Variants in PCDHGA1 observed in about 807,000 individuals in gnomAD.
The protein encoded by PCDHGA1 is protocadherin gamma subfamily A, 1, also known as protocadherin gamma-A1.
PCDHGA1 carries 32 observed loss-of-function variants against 58.0 expected under a neutral mutation model. The observed-to-expected ratio is 0.55, with a 90% CI of 0.42 to 0.74. PCDHGA1 has a LOEUF of 0.74. Among genes scored for constraint, PCDHGA1 ranks in the 30% least tolerant of loss-of-function variants. The pLI is 0.00. For missense variants in PCDHGA1, 1,205 were observed against 1,182.3 expected, an observed-to-expected ratio of 1.02 and a Z score of -0.28; for synonymous variants, 498 against 501.1, an observed-to-expected ratio of 0.99 and a Z score of 0.08.
At chr5:141,333,355 C>T in intron 1 of PCDHGA1, 1 of 612,284 alleles carries the variant, frequency 1.6e-6, no homozygotes, top group Non-Finnish European at 2.7e-6. Flanking sequence ...TGTGAGATGC[C>T]ATCTCTGTTT....
Position 141,430,964 on chromosome 5 carries a change from A to G in PCDHGA1, c.2422-63843A>G, listed in dbSNP as rs547574367. The G allele has an allele frequency of 7.3e-5, 117 of 1,612,860 alleles. No homozygotes were observed. The South Asian group carries it at 1.2e-3, about 17-fold the overall frequency. On this transcript the variant is annotated intron_variant, in intron 1 of 3. Coordinates refer to ENST00000517417, the MANE Select transcript of PCDHGA1 (RefSeq NM_018912.3). The stretch of plus-strand genomic sequence containing the variant: ...GGAGCGCGGAGTCCGCATCATCCCC[A>G]GAGGTAGGACGCAGCTTTTCGCCCT...
Position 141,350,885 on chromosome 5 carries a change from C to T in PCDHGA1, c.2421+17780C>T, listed in dbSNP as rs758050449. 6 of 1,614,082 alleles carry T rather than the reference C, an allele frequency of 3.7e-6. No homozygotes were observed. In the Admixed American group the frequency reaches 6.7e-5, roughly 18 times the overall value. Reference sequence around the variant, plus strand: ...ACATCAGAGCTCTCATCGCTTAATCCTGACTGCCATGGATGGCGGGGACCC... The same window carrying T: ...ACATCAGAGCTCTCATCGCTTAATCTTGACTGCCATGGATGGCGGGGACCC... On this transcript the variant is annotated intron_variant, in intron 1 of 3. Coordinates refer to ENST00000517417, the MANE Select transcript of PCDHGA1 (RefSeq NM_018912.3).
rs757446808 is a variant in PCDHGA1 at position 141,351,031 on chromosome 5, C to T, written c.2421+17926C>T. The stretch of plus-strand genomic sequence containing the variant: ...AAGAAAACGTACCGTGGGGAACCTC[C>T]GTGCTGCGGGTGATGGCCACAGACC... On this transcript the variant is annotated intron_variant, in intron 1 of 3. Coordinates refer to ENST00000517417, the MANE Select transcript of PCDHGA1 (RefSeq NM_018912.3). 3 of 1,613,990 alleles carry T rather than the reference C, an allele frequency of 1.9e-6. No individual in the cohort carries two copies. In the Admixed American group the frequency reaches 5.0e-5, roughly 27 times the overall value.
intron 1 of PCDHGA1, chr5:141,392,138 G>C (rs1212519982): frequency 6.6e-6 from 1 of 152,142 alleles, no homozygotes; most frequent in Non-Finnish European, 1.5e-5. Context: ...TGATTAAGTA[G>C]TTTAAACCAA....
intron 1 of PCDHGA1, chr5:141,361,549 G>A (rs1366415460): frequency 1.9e-6 from 3 of 1,613,918 alleles, no homozygotes; most frequent in East Asian, 4.5e-5. Context: ...CGCCTCTATC[G>A]CTCAAATCAG....
At chr5:141,450,006 CTTTTTT>C (rs1554136305) in intron 1 of PCDHGA1, among the ~76,000 whole-genome samples, 7,115 of 132,964 alleles carry the variant, frequency 0.054, 434 homozygotes, top group African/African-American at 0.14. Flanking sequence ...TGCCATGTCT[CTTTTTT>C]TTTTTTTTTT....
In PCDHGA1 at chr5:141,461,484, T is replaced by C. The variant is rs1171584384; in HGVS notation, c.2422-33323T>C. On this transcript the variant is annotated intron_variant, in intron 1 of 3. Transcript: ENST00000517417. ...GTCCTTTGCCTACTTTTTAATGGGATTGTGTTTTATTTTTCTTGGTGATTT... is the reference window on the plus strand; with the variant it reads ...GTCCTTTGCCTACTTTTTAATGGGACTGTGTTTTATTTTTCTTGGTGATTT... 2.6e-5 allele frequency among the ~76,000 whole-genome samples: 4 copies of C among 152,152 alleles called. No homozygotes were observed. In the East Asian group the frequency reaches 7.7e-4, roughly 29 times the overall value.
chr5:141,409,881 C>T (rs2095330257), intron 1 of PCDHGA1: 1 of 1,612,978 alleles, frequency 6.2e-7, no homozygotes, highest in Non-Finnish European at 8.5e-7. Context: ...GACAACGCAC[C>T]GCGGGTGCTG....
chr5:141,364,947 C>T (rs761720184), intron 1 of PCDHGA1: 2 of 1,613,944 alleles, frequency 1.2e-6, no homozygotes, highest in African/African-American at 1.3e-5. Flanking sequence ...GAGAAAGAGA[C>T]TGTTCACGAC....
Position 141,432,082 on chromosome 5 carries a change from C to G in PCDHGA1, c.2422-62725C>G. The G allele has an allele frequency of 1.2e-6, 2 of 1,614,184 alleles. No individual in the cohort carries two copies. The highest frequency in any genetic ancestry group is 1.7e-6 in the Non-Finnish European group (2 of 1,180,028). On this transcript the variant is annotated intron_variant, in intron 1 of 3. Coordinates refer to ENST00000517417, the MANE Select transcript of PCDHGA1 (RefSeq NM_018912.3). This position sits in a 1 kb window ranked among gnomAD's most constrained non-coding sequence, Gnocchi z 6.0. Reference sequence around the variant, plus strand: ...CCACGGAAACTCATATCTCGCTGAACGTGGCAGACACCAACGACAACCCGC... The same window carrying G: ...CCACGGAAACTCATATCTCGCTGAAGGTGGCAGACACCAACGACAACCCGC...
intron 1 of PCDHGA1, among the ~76,000 whole-genome samples, chr5:141,466,725 G>A (rs1184472416): frequency 2.6e-5 from 4 of 152,024 alleles, no homozygotes; most frequent in Non-Finnish European, 5.9e-5. Context: ...TTCCATTTTA[G>A]CAGAATTCAT....
chr5:141,413,194 C>T lies in PCDHGA1; in HGVS notation c.2421+80089C>T, dbSNP rs749749411. ...GACTACAATGGCCGCTCAAAGGAAT[C>T]GCTCAAAGGAATCAAAGGATTGCAG... On this transcript the variant is annotated intron_variant, in intron 1 of 3. Coordinates refer to ENST00000517417, the MANE Select transcript of PCDHGA1 (RefSeq NM_018912.3). 5.3e-5 allele frequency: 85 copies of T among 1,607,784 alleles called. No individual in the cohort carries two copies. Among genetic ancestry groups the T allele is most frequent in the Non-Finnish European group, 7.0e-5 (82 of 1,176,492 alleles).
At chr5:141,394,455 C>T in intron 1 of PCDHGA1, 1 of 1,614,268 alleles carries the variant, frequency 6.2e-7, no homozygotes, top group Non-Finnish European at 8.5e-7. Flanking sequence ...CAACATGTCA[C>T]TGAGCCTGTT....
At chr5:141,365,637 G>A in intron 1 of PCDHGA1, 1 of 1,613,458 alleles carries the variant, frequency 6.2e-7, no homozygotes. Context: ...TCTACAGAAA[G>A]CCACATCCCC....
At chr5:141,377,761 T>C (rs917483532) in intron 1 of PCDHGA1, 27 of 152,190 alleles carry the variant, frequency 1.8e-4, no homozygotes, top group African/African-American at 5.8e-4. Context: ...GGACACCAGA[T>C]CTTTGGTGTT....
intron 1 of PCDHGA1, among the ~76,000 whole-genome samples, chr5:141,463,572 C>T (rs1462125489): frequency 6.6e-6 from 1 of 151,572 alleles, no homozygotes; most frequent in African/African-American, 2.4e-5. Context: ...CCTCAGCCTC[C>T]CGAGTAGCTG....
chr5:141,481,503 G>A (rs1006282101), intron 1 of PCDHGA1, among the ~76,000 whole-genome samples: 3 of 152,236 alleles, frequency 2.0e-5, no homozygotes, highest in African/African-American at 7.2e-5. Context: ...TGCATGGTAT[G>A]TGAATTATGT....
At chr5:141,501,328 CA>C (rs1446948770) in intron 2 of PCDHGA1, among the ~76,000 whole-genome samples, 83 of 151,828 alleles carry the variant, frequency 5.5e-4, no homozygotes, top group Admixed American at 2.2e-3. Context: ...CACACACACA[CA>C]CACACCCCAA....
chr5:141,395,022 G>A lies in PCDHGA1; in HGVS notation c.2421+61917G>A, dbSNP rs2093150969. ...CGGTGGCAGATTGGTAGGCGTGCCT[G>A]CCTCACATTTTGTGGGTGTTGAGGA... On this transcript the variant is annotated intron_variant, in intron 1 of 3. Transcript: ENST00000517417. 1 of 1,614,128 alleles carries A rather than the reference G, an allele frequency of 6.2e-7. No homozygotes were observed. The highest frequency in any genetic ancestry group is 1.3e-5 in the African/African-American group (1 of 75,036).
Sources: allele counts gnomAD v4.1 joint callset (sites outside exome capture counted in the v4.1 genomes callset), GRCh38; gene constraint gnomAD v4.1.1; non-coding constraint Gnocchi (gnomAD v3.1); transcripts MANE v1.5; gene names NCBI Gene and HGNC (gene_info 2026-07-23, HGNC 2026-07-21).